RGS6: variants seen among roughly 807,000 people sequenced by gnomAD.
The protein encoded by RGS6 is regulator of G-protein signaling 6.
Under a neutral mutation model 78.5 loss-of-function variants are expected in RGS6, and 30 were observed. The observed-to-expected ratio is 0.38, with a 90% CI of 0.29 to 0.52. The LOEUF is 0.52. Ranked by LOEUF, RGS6 falls within the 20% of genes least tolerant of loss-of-function variation. RGS6 has a pLI of 0.85. For synonymous variants in RGS6, 206 were observed against 206.0 expected (o/e 1.00, Z 0.00); for missense variants, 495 against 609.7 (o/e 0.81, Z 1.98).
At chr14:72,247,059 A>G (rs1470963371) in intron 2 of RGS6, among the ~76,000 whole-genome samples, 3 of 152,086 alleles carry the variant, frequency 2.0e-5, no homozygotes, top group African/African-American at 7.2e-5. Flanking sequence ...TCATTCCTGC[A>G]CCTAGAATGT....
rs564047417 is a variant in RGS6 at position 72,125,905 on chromosome 14, A to C, written c.84+161030A>C. Among the ~76,000 whole-genome samples the C allele has an allele frequency of 9.2e-5, 14 of 152,282 alleles. No individual in the cohort carries two copies. The South Asian group carries it at 1.9e-3, about 20-fold the overall frequency. On this transcript the variant is annotated intron_variant, in intron 2 of 17. Transcript: ENST00000553525. The stretch of plus-strand genomic sequence containing the variant: ...AGAACTGACCTCAAGTTCCTATAAA[A>C]CAATGTAAGCAACTGTTACCATGAT...
chr14:72,183,368 C>A (rs1018200085), intron 2 of RGS6, among the ~76,000 whole-genome samples: 1 of 152,194 alleles, frequency 6.6e-6, no homozygotes, highest in Non-Finnish European at 1.5e-5. Flanking sequence ...ATCCAAGACC[C>A]AGTGTAGCCT....
chr14:71,999,515 C>T (rs2082980982), intron 2 of RGS6, among the ~76,000 whole-genome samples: 1 of 152,152 alleles, frequency 6.6e-6, no homozygotes. Context: ...GTCAAAAGAG[C>T]TGATAGGGTT....
At chr14:71,942,425 C>T (rs2090756473) in intron 1 of RGS6, among the ~76,000 whole-genome samples, 2 of 152,014 alleles carry the variant, frequency 1.3e-5, no homozygotes, top group Non-Finnish European at 1.5e-5. Flanking sequence ...AATCTCCTTG[C>T]TCCCCTCTCC....
intron 2 of RGS6, among the ~76,000 whole-genome samples, chr14:72,118,356 C>T (rs895717547): frequency 6.6e-6 from 1 of 152,102 alleles, no homozygotes; most frequent in African/African-American, 2.4e-5. Flanking sequence ...ATCTATACCC[C>T]ACATTACTAC....
the RGS6 span, among the ~76,000 whole-genome samples, chr14:71,877,777 C>G: frequency 1.3e-5 from 2 of 152,200 alleles, no homozygotes; most frequent in Non-Finnish European, 2.9e-5. Context: ...TTAGAATTTT[C>G]AGCTTTTCTG....
chr14:72,387,159 A>G (rs1256346158), intron 3 of RGS6, among the ~76,000 whole-genome samples: 2 of 152,136 alleles, frequency 1.3e-5, no homozygotes, highest in Non-Finnish European at 2.9e-5. Flanking sequence ...AGATATATAT[A>G]AATATCAATA....
intron 3 of RGS6, among the ~76,000 whole-genome samples, chr14:72,425,481 A>T (rs560727204): frequency 6.6e-6 from 1 of 152,230 alleles, no homozygotes; most frequent in Non-Finnish European, 1.5e-5. Flanking sequence ...ATAAACTGTT[A>T]CATCCTTAAT....
rs903903995 is a variant in RGS6 at position 72,415,242 on chromosome 14, G to C, written c.185-39286G>C. ...ACCTCCTAAAGCCTGGGCAATGGCG[G>C]GTGCCCCTCCTCCAGCCTCACTGCC... On this transcript the variant is annotated intron_variant, in intron 3 of 17. Transcript: ENST00000553525. 2.6e-5 allele frequency among the ~76,000 whole-genome samples: 4 copies of C among 152,236 alleles called. No individual in the cohort carries two copies. In the East Asian group the frequency reaches 7.7e-4, roughly 29 times the overall value.
chr14:72,071,072 AT>A (rs374755827), intron 2 of RGS6, among the ~76,000 whole-genome samples: 2,211 of 151,470 alleles, frequency 0.015, 59 homozygotes, highest in African/African-American at 0.052. Flanking sequence ...GTCGCCTTTG[AT>A]TTTTTTTTAG....
At chr14:72,554,904 CCCA>C (rs2097550122) in intron 17 of RGS6, among the ~76,000 whole-genome samples, 1 of 152,232 alleles carries the variant, frequency 6.6e-6, no homozygotes, top group Non-Finnish European at 1.5e-5. Flanking sequence ...CCTTGTCTCT[CCCA>C]CCATCCCTAC....
chr14:71,966,522 G>A (rs1225486215), intron 2 of RGS6, among the ~76,000 whole-genome samples: 1 of 152,192 alleles, frequency 6.6e-6, no homozygotes, highest in Non-Finnish European at 1.5e-5. Flanking sequence ...TGCCAGGCTG[G>A]TAGGAACATG....
intron 2 of RGS6, among the ~76,000 whole-genome samples, chr14:72,058,787 C>T (rs965297883): frequency 3.9e-5 from 6 of 152,168 alleles, no homozygotes; most frequent in African/African-American, 1.4e-4. Context: ...TTTCTTTACC[C>T]ATATTATGGA....
chr14:72,555,829 C>T (rs1331861756), intron 17 of RGS6, among the ~76,000 whole-genome samples: 1 of 152,252 alleles, frequency 6.6e-6, no homozygotes, highest in Admixed American at 6.5e-5. Flanking sequence ...GCTTGACAGA[C>T]ACACAATAGT....
chr14:72,334,624 C>T (rs920279852), intron 2 of RGS6, among the ~76,000 whole-genome samples: 1 of 152,168 alleles, frequency 6.6e-6, no homozygotes, highest in Non-Finnish European at 1.5e-5. Flanking sequence ...GTAATGTGTT[C>T]CGTGATGGAA....
chr14:71,997,877 A>T (rs949245763), intron 2 of RGS6, among the ~76,000 whole-genome samples: 1 of 152,208 alleles, frequency 6.6e-6, no homozygotes, highest in Non-Finnish European at 1.5e-5. Flanking sequence ...AAACTTGGCT[A>T]TAAATTTTAA....
Position 72,021,333 on chromosome 14 carries a change from C to A in RGS6, c.84+56458C>A, listed in dbSNP as rs528419779. On this transcript the variant is annotated intron_variant, in intron 2 of 17. Coordinates refer to ENST00000553525, the MANE Select transcript of RGS6 (RefSeq NM_001204424.2). ...TTAGCTGCTAGTCTTGCTCTTCTCA[C>A]CCATCTGTGGCCACCAAAGCACTGG... 1.2e-4 allele frequency among the ~76,000 whole-genome samples: 19 copies of A among 152,280 alleles called. No homozygotes were observed. The East Asian group carries it at 3.7e-3, about 29-fold the overall frequency.
the RGS6 span, among the ~76,000 whole-genome samples, chr14:71,893,784 T>C: frequency 6.6e-6 from 1 of 152,134 alleles, no homozygotes; most frequent in Non-Finnish European, 1.5e-5. Context: ...AGGGGGAATT[T>C]GGCCCTTTAA....
At position 72,352,203 on chromosome 14, in the gene RGS6, C is replaced by T; in HGVS notation, c.184+9C>T. ...CCCCAGTGTCGTCACAGGTAACACCCTCCTTGCAAGGTGTTGGTAACAGTC... is the reference window on the plus strand; with the variant it reads ...CCCCAGTGTCGTCACAGGTAACACCTTCCTTGCAAGGTGTTGGTAACAGTC... On this transcript the variant is annotated intron_variant, in intron 3 of 17. Transcript: ENST00000553525. 1.2e-6 allele frequency: 2 copies of T among 1,600,336 alleles called. No homozygotes were observed. The highest frequency in any genetic ancestry group is 1.7e-6 in the Non-Finnish European group (2 of 1,168,444).
Sources: gnomAD v4.1 joint callset for allele counts (sites outside exome capture counted in the v4.1 genomes callset) on GRCh38, gnomAD v4.1.1 for gene constraint, MANE v1.5 for transcripts, NCBI Gene and HGNC (gene_info 2026-07-23, HGNC 2026-07-21) for gene names.